ESRRB: variants seen among roughly 807,000 people sequenced by gnomAD.
The protein encoded by ESRRB is estrogen related receptor beta, also known as steroid hormone receptor ERR2.
ESRRB carries 16 observed loss-of-function variants against 46.0 expected under a neutral mutation model. The observed-to-expected ratio is 0.35, with a 90% CI of 0.24 to 0.53. The LOEUF (loss-of-function observed/expected upper bound fraction) is 0.53. ESRRB is among the 20% of genes least tolerant of loss of function. ESRRB has a pLI of 0.93. For synonymous variants in ESRRB, 246 were observed against 259.6 expected, an observed-to-expected ratio of 0.95 and a Z score of 0.50; for missense variants, 488 against 607.4, an observed-to-expected ratio of 0.80 and a Z score of 2.07.
intron 1 of ESRRB, among the ~76,000 whole-genome samples, chr14:76,396,040 G>A (rs1885664776): frequency 6.6e-6 from 1 of 152,138 alleles, no homozygotes; most frequent in African/African-American, 2.4e-5. Flanking sequence ...GGGCATGGTG[G>A]TGCGTGCCTG....
chr14:76,340,764 T>C (rs977845993), intron 1 of ESRRB, among the ~76,000 whole-genome samples: 2 of 152,156 alleles, frequency 1.3e-5, no homozygotes, highest in Middle Eastern at 3.2e-3. Context: ...GGAGGACAAA[T>C]CTGGACTTTG....
intron 1 of ESRRB, among the ~76,000 whole-genome samples, chr14:76,328,834 A>G (rs922737460): frequency 6.6e-6 from 1 of 152,058 alleles, no homozygotes; most frequent in Non-Finnish European, 1.5e-5. Context: ...CCAGTTATGC[A>G]CTGCTGTGTC....
intron 3 of ESRRB, among the ~76,000 whole-genome samples, chr14:76,465,893 C>T (rs1408701868): frequency 5.3e-5 from 8 of 152,248 alleles, no homozygotes; most frequent in Admixed American, 5.2e-4. Flanking sequence ...CCCTGCAGGG[C>T]CTTGGAGAGA....
chr14:76,425,970 A>T (rs1033961462), intron 1 of ESRRB, among the ~76,000 whole-genome samples: 3 of 152,178 alleles, frequency 2.0e-5, no homozygotes, highest in Admixed American at 1.3e-4. Flanking sequence ...TGTTTCTCAT[A>T]GCACTCACCA....
At chr14:76,481,134 T>C (rs1331907604) in intron 3 of ESRRB, among the ~76,000 whole-genome samples, 1 of 152,208 alleles carries the variant, frequency 6.6e-6, no homozygotes, top group Non-Finnish European at 1.5e-5. Context: ...GGTTCATACT[T>C]TGTAACCAAT....
chr14:76,355,892 C>A (rs1036807938), intron 1 of ESRRB, among the ~76,000 whole-genome samples: 3 of 152,178 alleles, frequency 2.0e-5, no homozygotes, highest in Non-Finnish European at 4.4e-5. Context: ...TCTCTCACCC[C>A]ACCCTGGCCC....
intron 1 of ESRRB, among the ~76,000 whole-genome samples, chr14:76,351,971 T>C (rs58293385): frequency 0.49 from 65,992 of 135,896 alleles, 15,565 homozygotes; most frequent in Admixed American, 0.51. Context: ...GGAGACAGAG[T>C]GAGACCCAGT....
chr14:76,378,162 T>G (rs576035621), intron 1 of ESRRB, among the ~76,000 whole-genome samples: 1 of 152,290 alleles, frequency 6.6e-6, no homozygotes, highest in African/African-American at 2.4e-5. Context: ...TCTCCAGAGG[T>G]GACTTCTTTA....
intron 2 of ESRRB, among the ~76,000 whole-genome samples, chr14:76,441,583 G>T (rs530177690): frequency 3.3e-5 from 5 of 152,338 alleles, no homozygotes; most frequent in Admixed American, 3.3e-4. Context: ...CTCCCAAAGT[G>T]CTGGGATTAC....
At chr14:76,445,901 G>A (rs1888125493) in intron 2 of ESRRB, among the ~76,000 whole-genome samples, 1 of 152,108 alleles carries the variant, frequency 6.6e-6, no homozygotes, top group Admixed American at 6.5e-5. Flanking sequence ...GGCCAGGCTG[G>A]TCTCCAACTC....
In ESRRB at chr14:76,393,935, G is replaced by A. The variant is rs553061450; in HGVS notation, c.50+17484G>A. Among the ~76,000 whole-genome samples the A allele has an allele frequency of 2.0e-5, 3 of 151,642 alleles. No homozygotes were observed. In the South Asian group the frequency reaches 6.3e-4, roughly 32 times the overall value. On this transcript the variant is annotated intron_variant, in intron 1 of 6. Coordinates refer to ENST00000644823, the MANE Select transcript of ESRRB (RefSeq NM_001379180.1). The stretch of plus-strand genomic sequence containing the variant: ...CCTGCCTCAGCCTCCCAAGTAGCTG[G>A]GATTACAGGCATGCACCAACATGCC...
chr14:76,329,683 C>G (rs1464525955), intron 1 of ESRRB, among the ~76,000 whole-genome samples: 1 of 152,078 alleles, frequency 6.6e-6, no homozygotes, highest in Non-Finnish European at 1.5e-5. Flanking sequence ...ACACACAGAC[C>G]CGGGCGCACA....
intron 1 of ESRRB, among the ~76,000 whole-genome samples, chr14:76,414,756 T>C (rs535652056): frequency 6.6e-6 from 1 of 151,190 alleles, no homozygotes; most frequent in South Asian, 2.1e-4. Flanking sequence ...AGATACTCTG[T>C]AACCCTCTCC....
At chr14:76,458,676 A>G (rs1229657810) in intron 2 of ESRRB, among the ~76,000 whole-genome samples, 1 of 152,106 alleles carries the variant, frequency 6.6e-6, no homozygotes, top group African/African-American at 2.4e-5. Flanking sequence ...AGAGCAAAGC[A>G]TGGGAAAAGT....
intron 3 of ESRRB, among the ~76,000 whole-genome samples, chr14:76,474,702 G>A (rs190951577): frequency 7.2e-5 from 11 of 152,256 alleles, no homozygotes; most frequent in Non-Finnish European, 1.5e-4. Context: ...TTAGCCAGGT[G>A]TGGTGGCATG....
intron 1 of ESRRB, among the ~76,000 whole-genome samples, chr14:76,433,774 G>T (rs1007106264): frequency 6.6e-6 from 1 of 152,168 alleles, no homozygotes; most frequent in Non-Finnish European, 1.5e-5. Flanking sequence ...ACTGCTAAGT[G>T]TAGGGATACT....
intron 1 of ESRRB, among the ~76,000 whole-genome samples, chr14:76,416,102 A>G (rs550636132): frequency 1.4e-4 from 21 of 150,220 alleles, no homozygotes; most frequent in African/African-American, 5.2e-4. Flanking sequence ...CCCTTTTTAC[A>G]TTACATAATT....
intron 1 of ESRRB, among the ~76,000 whole-genome samples, chr14:76,354,219 T>TCCC (rs1595052871): frequency 3.6e-5 from 2 of 56,034 alleles, no homozygotes; most frequent in Non-Finnish European, 5.7e-5. Context: ...CAGGGTCCTC[T>TCCC]ACCCGCCCCC....
Position 76,462,433 on chromosome 14 carries a change from G to A in ESRRB, c.461-112G>A, listed in dbSNP as rs57898283. ...CAGAGCACCTGCTTTGAGAACACTA[G>A]GGGGGAGTGGCAGCTCTGGCAAATT... On this transcript the variant is annotated intron_variant, in intron 2 of 6. Coordinates refer to ENST00000644823, the MANE Select transcript of ESRRB (RefSeq NM_001379180.1). 0.015 allele frequency: 11,150 copies of A among 761,536 alleles called. 801 individuals carry two copies. The African/African-American group carries it at 0.17, about 12-fold the overall frequency. 47.2% of individuals were successfully genotyped at this position (761,536 alleles called of 1,614,324 possible). A position where few individuals can be genotyped will look rare whatever the true frequency, so the allele number is the denominator to read the frequency against.
Sources: gnomAD v4.1 joint callset for allele counts (sites outside exome capture counted in the v4.1 genomes callset) on GRCh38, gnomAD v4.1.1 for gene constraint, MANE v1.5 for transcripts, NCBI Gene and HGNC (gene_info 2026-07-23, HGNC 2026-07-21) for gene names.